The following ARNT2 variants were observed in gnomAD, a reference collection of about 807,000 sequenced individuals.
ARNT2 encodes ARNT protein 2.
Under a neutral mutation model 91.7 loss-of-function variants are expected in ARNT2, and 36 were observed. The observed-to-expected ratio is 0.39, with a 90% CI of 0.30 to 0.52. ARNT2 has a LOEUF of 0.52. Among genes scored for constraint, ARNT2 ranks in the 20% least tolerant of loss-of-function variants. The pLI is 0.72. For missense variants in ARNT2, 775 were observed against 939.3 expected, an observed-to-expected ratio of 0.83 and a Z score of 2.29; for synonymous variants, 365 against 347.1, an observed-to-expected ratio of 1.05 and a Z score of -0.57.
chr15:80,541,688 C>A (rs1312293272), intron 8 of ARNT2, among the ~76,000 whole-genome samples: 1 of 152,058 alleles, frequency 6.6e-6, no homozygotes, highest in African/African-American at 2.4e-5. Context: ...AGGAGTAAAA[C>A]CCACTTTTAA....
intron 5 of ARNT2, chr15:80,487,915 G>C (rs566191469): frequency 1.3e-5 from 2 of 152,338 alleles, no homozygotes; most frequent in African/African-American, 4.8e-5. Context: ...AGAGGACACA[G>C]CCTCCCCAGC....
chr15:80,437,392 C>G (rs1896104712), intron 1 of ARNT2, among the ~76,000 whole-genome samples: 1 of 152,282 alleles, frequency 6.6e-6, no homozygotes, highest in Admixed American at 6.5e-5. Flanking sequence ...TCTTTTGTGG[C>G]CTCATCTCCC....
At chr15:80,498,133 T>C (rs865973394) in intron 5 of ARNT2, among the ~76,000 whole-genome samples, 4 of 152,186 alleles carry the variant, frequency 2.6e-5, no homozygotes, top group Non-Finnish European at 5.9e-5. Flanking sequence ...TAACTCCCTG[T>C]TACTAAACTG....
chr15:80,519,848 C>G (rs1897506654), intron 8 of ARNT2, among the ~76,000 whole-genome samples: 1 of 144,194 alleles, frequency 6.9e-6, no homozygotes, highest in African/African-American at 2.7e-5. Context: ...CCATGCCCGG[C>G]TAATTTTTTG....
chr15:80,527,119 C>T (rs1287393641), intron 8 of ARNT2, among the ~76,000 whole-genome samples: 1 of 152,218 alleles, frequency 6.6e-6, no homozygotes, highest in African/African-American at 2.4e-5. Flanking sequence ...TCTTTGTTCT[C>T]AGGCAGGGCA....
chr15:80,423,616 G>A (rs1379012226), intron 1 of ARNT2, among the ~76,000 whole-genome samples: 1 of 152,128 alleles, frequency 6.6e-6, no homozygotes, highest in Non-Finnish European at 1.5e-5. Context: ...AAGATATGAT[G>A]AATTTGATTT....
chr15:80,596,901 ACT>A lies in ARNT2; in HGVS notation c.*3206_*3207del, dbSNP rs1328398603. The A allele has an allele frequency of 2.9e-6, 1 of 349,722 alleles. No homozygotes were observed. Among genetic ancestry groups the A allele is most frequent in the African/African-American group, 2.2e-5 (1 of 46,454 alleles). 21.7% of individuals were successfully genotyped at this position (349,722 alleles called of 1,614,324 possible). On this transcript the variant is annotated 3_prime_UTR_variant, in exon 19 of 19. Transcript: ENST00000303329. ...GGATGGCCAAGGATGGCTCTAGAAC[ACT>A]CTGTCCATGCGTCACTCCCCCCAGT...
In ARNT2 at chr15:80,593,831, G is replaced by C; in HGVS notation, c.*133G>C. ...CACCAGAAGCCATCTCCCCCGCTGT[G>C]TGTCCCCAGGCGCATCATTGCTCCA... On this transcript the variant is annotated 3_prime_UTR_variant, in exon 19 of 19. Coordinates refer to ENST00000303329, the MANE Select transcript of ARNT2 (RefSeq NM_014862.4). 1 of 787,558 alleles carries C rather than the reference G, an allele frequency of 1.3e-6. No individual in the cohort carries two copies. Among genetic ancestry groups the C allele is most frequent in the Non-Finnish European group, 2.0e-6 (1 of 488,652 alleles). 48.8% of individuals were successfully genotyped at this position (787,558 alleles called of 1,614,324 possible).
Position 80,514,349 on chromosome 15 carries a change from A to AAGCC in ARNT2, c.822_825dup (p.Gln276SerfsTer24). On this transcript the variant is annotated frameshift_variant, in exon 8 of 19. Coordinates refer to ENST00000303329, the MANE Select transcript of ARNT2 (RefSeq NM_014862.4). LOFTEE classifies it high-confidence loss of function. ...GGCCTTGGCCCTGTGAAAGAAGGAG[A>AAGCC]AGCCCAATATGCTGTGGTCCACTGT... The AAGCC allele has an allele frequency of 6.2e-7, 1 of 1,614,200 alleles. No homozygotes were observed. The highest frequency in any genetic ancestry group is 8.5e-7 in the Non-Finnish European group (1 of 1,180,026).
At chr15:80,454,906 G>A (rs1252744782) in intron 2 of ARNT2, among the ~76,000 whole-genome samples, 3 of 152,190 alleles carry the variant, frequency 2.0e-5, no homozygotes, top group African/African-American at 7.2e-5. Context: ...ACAGTAAAAT[G>A]CATTTTCAGC....
chr15:80,527,744 G>A (rs1357678486), intron 8 of ARNT2, among the ~76,000 whole-genome samples: 1 of 152,212 alleles, frequency 6.6e-6, no homozygotes, highest in Non-Finnish European at 1.5e-5. Context: ...AACTGGTAAG[G>A]TTGGGTTGCA....
chr15:80,554,169 G>T (rs771230302), intron 10 of ARNT2, among the ~76,000 whole-genome samples: 1 of 152,210 alleles, frequency 6.6e-6, no homozygotes, highest in African/African-American at 2.4e-5. Context: ...AGCACTTTGG[G>T]GGGCCAAGGC....
At chr15:80,448,987 A>AC (rs1249244352) in intron 1 of ARNT2, among the ~76,000 whole-genome samples, 6 of 152,034 alleles carry the variant, frequency 3.9e-5, no homozygotes, top group African/African-American at 1.2e-4. Context: ...TCCGTCTCAA[A>AC]AAAAACAAAA....
intron 8 of ARNT2, among the ~76,000 whole-genome samples, chr15:80,527,055 A>G (rs1416189315): frequency 1.3e-5 from 2 of 152,244 alleles, no homozygotes; most frequent in Non-Finnish European, 2.9e-5. Flanking sequence ...CATCAAAGCC[A>G]TGATGACCTT....
intron 8 of ARNT2, among the ~76,000 whole-genome samples, chr15:80,518,019 C>T (rs1343776650): frequency 6.6e-6 from 1 of 152,144 alleles, no homozygotes; most frequent in Non-Finnish European, 1.5e-5. Flanking sequence ...TTTGTCTCTT[C>T]AAACTATGTT....
In ARNT2 at chr15:80,413,284, T is replaced by A. The variant is rs1895714787; in HGVS notation, c.31+8738T>A. On this transcript the variant is annotated intron_variant, in intron 1 of 18. Coordinates refer to ENST00000303329, the MANE Select transcript of ARNT2 (RefSeq NM_014862.4). ...CTCCCTTACCAATTCACCTCTTCCA[T>A]ATGGCCTTTCTCAAACGCTGGTGCC... Among the ~76,000 whole-genome samples the A allele has an allele frequency of 2.0e-5, 3 of 152,168 alleles. No individual in the cohort carries two copies. In the South Asian group the frequency reaches 6.3e-4, roughly 32 times the overall value.
intron 9 of ARNT2, among the ~76,000 whole-genome samples, chr15:80,552,380 A>G (rs372391038): frequency 5.3e-5 from 8 of 152,220 alleles, no homozygotes; most frequent in South Asian, 2.1e-4. Context: ...AGGCTCACAA[A>G]TGCCCTGTGA....
chr15:80,581,106 C>A, intron 16 of ARNT2, 133 bp from the exon 17 acceptor site: 1 of 1,118,908 alleles, frequency 8.9e-7, no homozygotes, highest in Non-Finnish European at 1.3e-6. Flanking sequence ...TGTGCCTAGC[C>A]AGACAAGAGG....
intron 1 of ARNT2, among the ~76,000 whole-genome samples, chr15:80,439,898 C>G (rs1409513137): frequency 6.6e-6 from 1 of 152,200 alleles, no homozygotes; most frequent in Non-Finnish European, 1.5e-5. Context: ...TCAGTGAACC[C>G]TTCACCATCC....
Sources: allele counts gnomAD v4.1 joint callset (sites outside exome capture counted in the v4.1 genomes callset), GRCh38; gene constraint gnomAD v4.1.1; transcripts MANE v1.5; gene names NCBI Gene and HGNC (gene_info 2026-07-23, HGNC 2026-07-21).